CNTNAP5: variants seen among roughly 807,000 people sequenced by gnomAD.
The protein encoded by CNTNAP5 is contactin-associated protein-like 5.
A neutral mutation model predicts 150.2 loss-of-function variants in CNTNAP5; 72 were observed. That is an observed-to-expected ratio of 0.48 (90% CI 0.40 to 0.58). The LOEUF is 0.58. Ranked by LOEUF, CNTNAP5 falls within the 20% of genes least tolerant of loss-of-function variation. The pLI, the probability that CNTNAP5 is intolerant of heterozygous loss-of-function variation, is 0.00. For missense variants in CNTNAP5, 1,636 were observed against 1,626.2 expected, an observed-to-expected ratio of 1.01 and a Z score of -0.10; for synonymous variants, 672 against 619.8, an observed-to-expected ratio of 1.08 and a Z score of -1.25.
intron 1 of CNTNAP5, among the ~76,000 whole-genome samples, chr2:124,099,542 C>T (rs1378358246): frequency 6.6e-6 from 1 of 152,176 alleles, no homozygotes; most frequent in African/African-American, 2.4e-5. Flanking sequence ...CAGTTCTAAT[C>T]TCAGTATAAC....
At chr2:124,060,095 A>C (rs1265065841) in intron 1 of CNTNAP5, among the ~76,000 whole-genome samples, 1 of 152,158 alleles carries the variant, frequency 6.6e-6, no homozygotes, top group African/African-American at 2.4e-5. Flanking sequence ...TGAGAAGTTT[A>C]AGAAATTCTA....
chr2:124,620,247 G>GT lies in CNTNAP5; in HGVS notation c.1876+10334dup, dbSNP rs1402951230. Among the ~76,000 whole-genome samples, 7 of 152,016 alleles carry GT rather than the reference G, an allele frequency of 4.6e-5. 1 individual carries two copies. In the South Asian group the frequency reaches 1.5e-3, roughly 32 times the overall value. On this transcript the variant is annotated intron_variant, in intron 12 of 23. Coordinates refer to ENST00000682447, the MANE Select transcript of CNTNAP5 (RefSeq NM_001367498.1). ...TTGAAGACTAATTTCTATCTTTCCC[G>GT]TTTTTTTCTTTCCTGTTTCCATAAT...
At chr2:124,279,349 G>T (rs111898502) in intron 3 of CNTNAP5, among the ~76,000 whole-genome samples, 1,858 of 152,040 alleles carry the variant, frequency 0.012, 35 homozygotes, top group African/African-American at 0.04. Flanking sequence ...ATTGACAAGG[G>T]AGTGACATAA....
intron 3 of CNTNAP5, among the ~76,000 whole-genome samples, chr2:124,348,110 A>T (rs1286710885): frequency 6.6e-6 from 1 of 152,128 alleles, no homozygotes; most frequent in Non-Finnish European, 1.5e-5. Context: ...TACCCACAAT[A>T]GTACTCATAC....
At chr2:124,706,835 AGGGGG>A (rs1558743099) in intron 13 of CNTNAP5, among the ~76,000 whole-genome samples, 1 of 2,542 alleles carries the variant, frequency 3.9e-4, no homozygotes, top group Non-Finnish European at 1.5e-3. Flanking sequence ...GAAGAGGAGG[AGGGGG>A]AGGAAGGAGG....
intron 11 of CNTNAP5, among the ~76,000 whole-genome samples, chr2:124,585,695 A>C (rs1463561478): frequency 5.8e-5 from 2 of 34,402 alleles, no homozygotes; most frequent in South Asian, 2.1e-3. Context: ...TTTTTTTTTG[A>C]GTTAGCATGT....
chr2:124,045,084 T>C (rs1335617052), intron 1 of CNTNAP5, among the ~76,000 whole-genome samples: 1 of 152,170 alleles, frequency 6.6e-6, no homozygotes, highest in African/African-American at 2.4e-5. Flanking sequence ...ATTTCAAATA[T>C]GTCTCTGGCT....
chr2:124,523,048 C>T (rs776030719), intron 8 of CNTNAP5, among the ~76,000 whole-genome samples: 4 of 152,300 alleles, frequency 2.6e-5, no homozygotes, highest in East Asian at 1.9e-4. Context: ...TTGCATATGT[C>T]TCTGCCTTTT....
At chr2:124,258,142 ACT>A (rs1687360981) in intron 3 of CNTNAP5, among the ~76,000 whole-genome samples, 2 of 152,004 alleles carry the variant, frequency 1.3e-5, no homozygotes, top group South Asian at 4.2e-4. Context: ...TTGTGTGATG[ACT>A]CTGCTGGGTG....
intron 21 of CNTNAP5, among the ~76,000 whole-genome samples, chr2:124,896,873 T>C (rs1203019792): frequency 6.6e-6 from 1 of 151,594 alleles, no homozygotes; most frequent in East Asian, 1.9e-4. Context: ...CTTTAACTCC[T>C]ACCTATCTCT....
chr2:124,356,379 C>A (rs1431497401), intron 3 of CNTNAP5, among the ~76,000 whole-genome samples: 1 of 148,910 alleles, frequency 6.7e-6, no homozygotes, highest in Admixed American at 6.7e-5. Context: ...CATATGTATA[C>A]ATGTGCCATG....
chr2:124,550,172 T>C (rs1573452474), intron 10 of CNTNAP5, among the ~76,000 whole-genome samples: 1 of 152,096 alleles, frequency 6.6e-6, no homozygotes, highest in East Asian at 1.9e-4. Flanking sequence ...CATTTTAACA[T>C]AAAACTTACA....
At chr2:124,376,968 A>T (rs1690664293) in intron 3 of CNTNAP5, among the ~76,000 whole-genome samples, 1 of 151,956 alleles carries the variant, frequency 6.6e-6, no homozygotes, top group African/African-American at 2.4e-5. Context: ...GCTTCTTCTG[A>T]GGTTTTGGGG....
chr2:124,224,467 T>C (rs1686406684), intron 2 of CNTNAP5, among the ~76,000 whole-genome samples: 1 of 151,938 alleles, frequency 6.6e-6, no homozygotes, highest in Non-Finnish European at 1.5e-5. Flanking sequence ...TAATAAACCA[T>C]GTATATGTGA....
intron 1 of CNTNAP5, among the ~76,000 whole-genome samples, chr2:124,136,848 G>T (rs537655510): frequency 3.2e-4 from 49 of 152,256 alleles, no homozygotes; most frequent in African/African-American, 8.7e-4. Flanking sequence ...CATCAGAAAA[G>T]CTCTGGTGAG....
At chr2:124,032,980 C>A (rs927056235) in intron 1 of CNTNAP5, among the ~76,000 whole-genome samples, 2 of 152,142 alleles carry the variant, frequency 1.3e-5, no homozygotes, top group Admixed American at 1.3e-4. Flanking sequence ...AGTTCTCATT[C>A]CCCCTCTGAC....
At chr2:124,413,814 T>A (rs556432311) in intron 3 of CNTNAP5, among the ~76,000 whole-genome samples, 2,529 of 131,750 alleles carry the variant, frequency 0.019, 39 homozygotes, top group Middle Eastern at 0.033. Context: ...TGCACCAGCA[T>A]GGCACATGTA....
At chr2:124,875,416 G>A (rs773504069) in intron 21 of CNTNAP5, among the ~76,000 whole-genome samples, 1 of 152,014 alleles carries the variant, frequency 6.6e-6, no homozygotes, top group African/African-American at 2.4e-5. Flanking sequence ...ATTCTACAGT[G>A]GAAGATGCTC....
intron 1 of CNTNAP5, among the ~76,000 whole-genome samples, chr2:124,181,455 C>CTT (rs926348903): frequency 2.9e-5 from 4 of 139,614 alleles, no homozygotes; most frequent in African/African-American, 5.5e-5. Context: ...TCAGGTTTTC[C>CTT]TTTTTTTTTT....
Sources: gnomAD v4.1 joint callset for allele counts (sites outside exome capture counted in the v4.1 genomes callset) on GRCh38, gnomAD v4.1.1 for gene constraint, MANE v1.5 for transcripts, NCBI Gene and HGNC (gene_info 2026-07-23, HGNC 2026-07-21) for gene names.